Variants in PCDHA7 observed in about 807,000 individuals in gnomAD.
PCDHA7 encodes the protein protocadherin alpha-7.
PCDHA7 carries 37 observed loss-of-function variants against 57.2 expected under a neutral mutation model. That is an observed-to-expected ratio of 0.65 (90% CI 0.50 to 0.85). PCDHA7 has a LOEUF of 0.85. Ranked by LOEUF, PCDHA7 falls within the 40% of genes least tolerant of loss-of-function variation. PCDHA7 has a pLI of 0.00. For missense variants in PCDHA7, 1,188 were observed against 1,241.8 expected (o/e 0.96, Z 0.65); for synonymous variants, 553 against 558.8 (o/e 0.99, Z 0.15).
chr5:140,871,877 G>A (rs1554165902), intron 1 of PCDHA7, among the ~76,000 whole-genome samples: 2 of 152,144 alleles, frequency 1.3e-5, no homozygotes, highest in African/African-American at 4.8e-5. Flanking sequence ...ATTTAAATTT[G>A]CTCCTCTTTG....
chr5:140,928,824 A>C (rs782336122), intron 1 of PCDHA7: 2 of 1,614,110 alleles, frequency 1.2e-6, no homozygotes, highest in Non-Finnish European at 1.7e-6. Flanking sequence ...ATGGAGACCC[A>C]CCACTTTCCT....
chr5:140,952,546 C>T (rs1449369285), intron 1 of PCDHA7, among the ~76,000 whole-genome samples: 1 of 152,108 alleles, frequency 6.6e-6, no homozygotes, highest in African/African-American at 2.4e-5. Flanking sequence ...CTTCTTTGTC[C>T]ATTTCACTAT....
Position 140,843,987 on chromosome 5 carries a change from G to T in PCDHA7, c.2355+7249G>T, listed in dbSNP as rs1007978772. ...ATTTATTTTGGCCTGCCTTACAGCCGTCTTCTCTGAACAATACTCTAAGGA... is the reference window on the plus strand; with the variant it reads ...ATTTATTTTGGCCTGCCTTACAGCCTTCTTCTCTGAACAATACTCTAAGGA... On this transcript the variant is annotated intron_variant, in intron 1 of 3. Coordinates refer to ENST00000525929, the MANE Select transcript of PCDHA7 (RefSeq NM_018910.3). Among the ~76,000 whole-genome samples the T allele has an allele frequency of 1.5e-4, 23 of 149,540 alleles. 2 individuals are homozygous for T. The highest frequency in any genetic ancestry group is 5.6e-4 in the African/African-American group (23 of 40,920).
intron 1 of PCDHA7, among the ~76,000 whole-genome samples, chr5:140,946,432 A>C (rs1254032204): frequency 6.6e-6 from 1 of 151,682 alleles, no homozygotes; most frequent in Admixed American, 6.6e-5. Context: ...GTTACTCAAA[A>C]ATTGAGACTA....
chr5:140,886,827 GA>G (rs782016620), intron 1 of PCDHA7, among the ~76,000 whole-genome samples: 1,709 of 60,916 alleles, frequency 0.028, 12 homozygotes, highest in African/African-American at 0.032. Flanking sequence ...ACTTCGTCTT[GA>G]AAAAAAAAAA....
chr5:140,835,281 G>A lies in PCDHA7; in HGVS notation c.898G>A (p.Gly300Arg), dbSNP rs2150233250. ...CAAGTTCCACATGGACCCCTTAAGT[G>A]GGGCAATCACAGTGATAGGACATAT... ...KSKFHMDPLS[G>R]AITVIGHMDF... The change falls in exon 1 of 4, where the codon GGG becomes AGG. Residue 300 changes from glycine (G) to arginine (R), a missense_variant. Coordinates refer to ENST00000525929, the MANE Select transcript of PCDHA7 (RefSeq NM_018910.3). The A allele has an allele frequency of 6.2e-7, 1 of 1,611,780 alleles. No homozygotes were observed. Among genetic ancestry groups the A allele is most frequent in the East Asian group, 2.2e-5 (1 of 44,774 alleles).
At chr5:140,872,083 C>G (rs377675529) in intron 1 of PCDHA7, among the ~76,000 whole-genome samples, 1 of 152,284 alleles carries the variant, frequency 6.6e-6, no homozygotes, top group East Asian at 1.9e-4. Context: ...TGCAGTGCCA[C>G]TGCACTTAGT....
chr5:140,873,065 C>G (rs1436390392), intron 1 of PCDHA7, among the ~76,000 whole-genome samples: 3 of 152,140 alleles, frequency 2.0e-5, no homozygotes, highest in Admixed American at 2.0e-4. Context: ...TCTTGAGAAT[C>G]ATATCTAGCT....
chr5:140,945,516 A>C (rs1192013721), intron 1 of PCDHA7, among the ~76,000 whole-genome samples: 2 of 152,154 alleles, frequency 1.3e-5, no homozygotes, highest in Non-Finnish European at 2.9e-5. Flanking sequence ...AAAGTAAATA[A>C]ATAAATAAAA....
intron 1 of PCDHA7, among the ~76,000 whole-genome samples, chr5:140,913,296 T>A (rs538964015): frequency 2.1e-4 from 32 of 152,322 alleles, no homozygotes; most frequent in African/African-American, 7.0e-4. Flanking sequence ...TTTAATTTCT[T>A]CATAGATCAA....
chr5:140,945,079 T>C (rs1554216701), intron 1 of PCDHA7, among the ~76,000 whole-genome samples: 1 of 152,126 alleles, frequency 6.6e-6, no homozygotes, highest in South Asian at 2.1e-4. Context: ...ACCAAAACAC[T>C]CTTGGAACTA....
At chr5:140,901,439 A>G (rs2068668793) in intron 1 of PCDHA7, among the ~76,000 whole-genome samples, 1 of 152,164 alleles carries the variant, frequency 6.6e-6, no homozygotes, top group South Asian at 2.1e-4. Flanking sequence ...ATGGATATCT[A>G]GTTTCCCAGC....
chr5:140,988,201 A>C (rs2097286908), intron 3 of PCDHA7, among the ~76,000 whole-genome samples: 1 of 152,064 alleles, frequency 6.6e-6, no homozygotes, highest in Non-Finnish European at 1.5e-5. Context: ...GCATATCCTT[A>C]TTAGGAAAAA....
intron 1 of PCDHA7, chr5:140,842,313 C>A: frequency 6.2e-7 from 1 of 1,607,028 alleles, no homozygotes; most frequent in Non-Finnish European, 8.5e-7. Context: ...CCTCCCATGG[C>A]GGGTCATTGC....
In PCDHA7 at chr5:140,876,439, A is replaced by G; in HGVS notation, c.2355+39701A>G. 4 of 1,613,988 alleles carry G rather than the reference A, an allele frequency of 2.5e-6. No individual in the cohort carries two copies. The East Asian group carries it at 8.9e-5, about 36-fold the overall frequency. ...TGCCTATGAAATTCAGGTTAACGCC[A>G]TTGATAAAGGGATTCCTTCCATGGC... is the stretch of plus-strand genomic sequence containing the variant. On this transcript the variant is annotated intron_variant, in intron 1 of 3. Transcript: ENST00000525929.
At chr5:140,985,072 A>C (rs2097134751) in intron 3 of PCDHA7, among the ~76,000 whole-genome samples, 1 of 151,864 alleles carries the variant, frequency 6.6e-6, no homozygotes, top group Admixed American at 6.6e-5. Flanking sequence ...TGAGTAGCTG[A>C]GACTACAGGC....
In PCDHA7 at chr5:140,835,910, A is replaced by G. The variant is rs2150248144; in HGVS notation, c.1527A>G (p.Ser509=). The change falls in exon 1 of 4, where the codon TCA becomes TCG. Residue 509 remains serine, a synonymous_variant. Coordinates refer to ENST00000525929, the MANE Select transcript of PCDHA7 (RefSeq NM_018910.3). ...AGCGCGCGCTGTCGAGCTACGTGTC[A>G]GTGCACGCGGAGAGCGGCAAGGTGT... is the stretch of plus-strand genomic sequence containing the variant. ...VGERALSSYV[S]VHAESGKVYA... 5 of 1,612,138 alleles carry G rather than the reference A, an allele frequency of 3.1e-6. No individual in the cohort carries two copies. The highest frequency in any genetic ancestry group is 3.4e-6 in the Non-Finnish European group (4 of 1,179,674).
At chr5:140,868,922 C>A in intron 1 of PCDHA7, 2 of 1,015,106 alleles carry the variant, frequency 2.0e-6, no homozygotes, top group Non-Finnish European at 2.8e-6. Flanking sequence ...GTGGAAAGTT[C>A]ATTTAAAGGT....
At chr5:140,853,861 T>C in intron 1 of PCDHA7, 1 of 984,790 alleles carries the variant, frequency 1.0e-6, no homozygotes, top group Non-Finnish European at 1.2e-6. Flanking sequence ...TATTTGATAC[T>C]TGACAGTGCA....
Sources: gnomAD v4.1 joint callset for allele counts (sites outside exome capture counted in the v4.1 genomes callset) on GRCh38, gnomAD v4.1.1 for gene constraint, MANE v1.5 for transcripts, NCBI Gene and HGNC (gene_info 2026-07-23, HGNC 2026-07-21) for gene names.